CATSPERE: variants seen among roughly 807,000 people sequenced by gnomAD.
CATSPERE encodes cation channel sperm-associated auxiliary subunit epsilon.
CATSPERE carries 93 observed loss-of-function variants against 114.1 expected under a neutral mutation model. The ratio of observed to expected loss-of-function variants is 0.81; its 90% CI spans 0.69 to 0.97. The LOEUF (loss-of-function observed/expected upper bound fraction) is 0.97, where lower values mean the gene tolerates loss of function less well. Among genes scored for constraint, CATSPERE ranks in the 50% least tolerant of loss-of-function variants. The probability of loss-of-function intolerance (pLI) is 0.00; values close to 1 mark genes in which losing one functional copy is unlikely to be tolerated. For synonymous variants in CATSPERE, 341 were observed against 384.1 expected, an observed-to-expected ratio of 0.89 and a Z score of 1.31; for missense variants, 1,058 against 1,131.6, an observed-to-expected ratio of 0.93 and a Z score of 0.93.
intron 20 of CATSPERE, among the ~76,000 whole-genome samples, chr1:244,619,592 G>A (rs2806619): frequency 0.16 from 23,830 of 152,050 alleles, 2,052 homozygotes; most frequent in East Asian, 0.29. Flanking sequence ...AGACTTTTCC[G>A]AATGCCATGG....
At chr1:244,628,713 G>A (rs757745918) in intron 20 of CATSPERE, among the ~76,000 whole-genome samples, 1 of 152,116 alleles carries the variant, frequency 6.6e-6, no homozygotes, top group Admixed American at 6.5e-5. Flanking sequence ...TTTTATGCTC[G>A]GAGGCCTTTT....
chr1:244,523,223 C>T (rs1482621572), intron 8 of CATSPERE, among the ~76,000 whole-genome samples: 1 of 149,012 alleles, frequency 6.7e-6, no homozygotes, highest in East Asian at 1.9e-4. Context: ...TAAACAGAAC[C>T]AAAGACAAAA....
intron 17 of CATSPERE, among the ~76,000 whole-genome samples, chr1:244,604,867 A>G (rs1205700189): frequency 1.3e-5 from 2 of 152,216 alleles, no homozygotes; most frequent in African/African-American, 2.4e-5. Context: ...TCTTTTGAAC[A>G]CTTACTGAGT....
At chr1:244,526,172 C>T (rs1179969833) in intron 8 of CATSPERE, among the ~76,000 whole-genome samples, 2 of 152,154 alleles carry the variant, frequency 1.3e-5, no homozygotes, top group African/African-American at 4.8e-5. Context: ...CATTGGGAGG[C>T]TGAGGTGGGC....
In CATSPERE at chr1:244,480,499, A is replaced by G. The variant is rs538229484; in HGVS notation, c.326+715A>G. Among the ~76,000 whole-genome samples the G allele has an allele frequency of 3.3e-5, 5 of 152,230 alleles. No homozygotes were observed. The South Asian group carries it at 8.3e-4, about 25-fold the overall frequency. The stretch of plus-strand genomic sequence containing the variant: ...CTATTCCTCCGTATTCTGTGATAAT[A>G]TTGTTAATTTTGTGTGACGTATATG... On this transcript the variant is annotated intron_variant, in intron 5 of 21. Coordinates refer to ENST00000366534, the MANE Select transcript of CATSPERE (RefSeq NM_001130957.2).
At chr1:244,581,083 TAGCTA>T (rs1414520881) in intron 11 of CATSPERE, among the ~76,000 whole-genome samples, 1 of 151,790 alleles carries the variant, frequency 6.6e-6, no homozygotes, top group African/African-American at 2.4e-5. Context: ...CTAAGTAATA[TAGCTA>T]AGCTTTGTCT....
intron 11 of CATSPERE, among the ~76,000 whole-genome samples, chr1:244,580,517 C>T (rs1666009719): frequency 6.6e-6 from 1 of 151,796 alleles, no homozygotes; most frequent in South Asian, 2.1e-4. Flanking sequence ...GAATATAACA[C>T]CCACATAGAA....
At chr1:244,566,446 T>C (rs2148553333) in intron 10 of CATSPERE, among the ~76,000 whole-genome samples, 1 of 152,128 alleles carries the variant, frequency 6.6e-6, no homozygotes, top group East Asian at 1.9e-4. Flanking sequence ...CCACTATTAT[T>C]GTGTGGGAGT....
intron 8 of CATSPERE, among the ~76,000 whole-genome samples, chr1:244,545,023 G>A (rs377170067): frequency 3.3e-5 from 5 of 152,184 alleles, no homozygotes; most frequent in Admixed American, 6.5e-5. Flanking sequence ...AAGCATCTTG[G>A]TCACCTTTCC....
chr1:244,491,203 C>G (rs892289813), intron 6 of CATSPERE, among the ~76,000 whole-genome samples: 5 of 152,010 alleles, frequency 3.3e-5, no homozygotes, highest in African/African-American at 1.2e-4. Context: ...AAGTAAAGCT[C>G]TCCTCAGCAA....
chr1:244,549,725 G>A (rs1217025737), intron 8 of CATSPERE, among the ~76,000 whole-genome samples: 1 of 152,042 alleles, frequency 6.6e-6, no homozygotes, highest in Non-Finnish European at 1.5e-5. Context: ...GATGCTTATG[G>A]GTGCCAAGTT....
intron 5 of CATSPERE, among the ~76,000 whole-genome samples, chr1:244,486,260 C>T (rs553040294): frequency 2.6e-5 from 4 of 152,362 alleles, no homozygotes; most frequent in South Asian, 4.1e-4. Flanking sequence ...AAGGAGTACT[C>T]GTGGGCCAAG....
rs1672043621 is a variant in CATSPERE at position 244,621,037 on chromosome 1, A to AAAATATATATAAATATATAT, written c.2648+3362_2648+3363insAATATATATAAATATATATA. Among the ~76,000 whole-genome samples, 6 of 20,292 alleles carry AAAATATATATAAATATATAT rather than the reference A, an allele frequency of 3.0e-4. No homozygotes were observed. In the East Asian group the frequency reaches 5.6e-3, roughly 19 times the overall value. 13.3% of individuals were successfully genotyped at this position (20,292 alleles called of 152,430 possible). ...ATATAAAATATATATAAATATATAT[A>AAAATATATATAAATATATAT]AAATATATATATAAATATATATAAA... On this transcript the variant is annotated intron_variant, in intron 20 of 21. Coordinates refer to ENST00000366534, the MANE Select transcript of CATSPERE (RefSeq NM_001130957.2).
intron 14 of CATSPERE, among the ~76,000 whole-genome samples, chr1:244,590,543 T>C (rs1667591807): frequency 1.3e-5 from 2 of 152,226 alleles, no homozygotes; most frequent in African/African-American, 4.8e-5. Flanking sequence ...CCACAATATT[T>C]TTGTCACCCC....
intron 7 of CATSPERE, among the ~76,000 whole-genome samples, chr1:244,505,202 A>C (rs949002436): frequency 6.6e-6 from 1 of 152,092 alleles, no homozygotes; most frequent in African/African-American, 2.4e-5. Flanking sequence ...CTGGCACTAT[A>C]AGATGCTCCA....
rs1368993452 is a variant in CATSPERE at position 244,478,152 on chromosome 1, T to C, written c.258+177T>C. On this transcript the variant is annotated intron_variant, in intron 4 of 21. Coordinates refer to ENST00000366534, the MANE Select transcript of CATSPERE (RefSeq NM_001130957.2). ...GTTATTGTATGTCAATTTTTAGATA[T>C]ATCTCATGTTAAATTCTAAATTATA... Among the ~76,000 whole-genome samples, 3 of 152,204 alleles carry C rather than the reference T, an allele frequency of 2.0e-5. No individual in the cohort carries two copies. The East Asian group carries it at 5.8e-4, about 29-fold the overall frequency.
intron 21 of CATSPERE, among the ~76,000 whole-genome samples, chr1:244,637,678 C>T (rs911747530): frequency 2.0e-5 from 3 of 152,294 alleles, no homozygotes; most frequent in East Asian, 1.9e-4. Flanking sequence ...ACACCCTCAC[C>T]CCTCTGGGAT....
At chr1:244,528,179 T>C (rs527346649) in intron 8 of CATSPERE, among the ~76,000 whole-genome samples, 1 of 152,346 alleles carries the variant, frequency 6.6e-6, no homozygotes, top group South Asian at 2.1e-4. Context: ...CCATGTGTTC[T>C]CATCATTCAG....
intron 19 of CATSPERE, among the ~76,000 whole-genome samples, chr1:244,615,239 CAAA>C (rs568497256): frequency 1.3e-4 from 9 of 69,242 alleles, no homozygotes; most frequent in African/African-American, 2.2e-4. Context: ...TTGGGCAGAC[CAAA>C]AAAAAAAAAA....
Sources: allele counts gnomAD v4.1 joint callset (sites outside exome capture counted in the v4.1 genomes callset), GRCh38; gene constraint gnomAD v4.1.1; transcripts MANE v1.5; gene names NCBI Gene and HGNC (gene_info 2026-07-23, HGNC 2026-07-21).